The following VIRMA variants were observed in gnomAD, a reference collection of about 807,000 sequenced individuals.
VIRMA encodes protein virilizer homolog.
VIRMA carries 65 observed loss-of-function variants against 182.4 expected under a neutral mutation model. The ratio of observed to expected loss-of-function variants is 0.36; its 90% CI spans 0.29 to 0.44. The LOEUF is 0.44. VIRMA is among the 20% of genes least tolerant of loss of function. VIRMA has a pLI of 1.00. For missense variants in VIRMA, 1,752 were observed against 2,158.1 expected (o/e 0.81, Z 3.73); for synonymous variants, 709 against 743.1 (o/e 0.95, Z 0.75).
intron 17 of VIRMA, 72 bp downstream of exon 17, chr8:94,499,302 A>C: frequency 4.4e-6 from 5 of 1,145,882 alleles, no homozygotes; most frequent in Non-Finnish European, 6.0e-6. Context: ...TACTTGGCCA[A>C]AGATTTCAAA....
rs141083686 is a variant in VIRMA at position 94,529,259 on chromosome 8, C to G, written c.691G>C (p.Glu231Gln). 2.5e-4 allele frequency: 395 copies of G among 1,611,202 alleles called. 1 individual carries two copies. In the African/African-American group the frequency reaches 4.9e-3, roughly 20 times the overall value. ...ISPDRNSVPQ[E>Q]GQYSDEGEVE... ...TCTCCTTCATCAGAATATTGCCCTT[C>G]CTGGGGAACAGAATTCCGATCAGGA... is the stretch of plus-strand genomic sequence containing the variant. The change falls in exon 7 of 24, where the codon GAA becomes CAA. Residue 231 changes from glutamate (E) to glutamine (Q), a missense_variant. Glu to Gln is a conservative substitution (Grantham distance 29). Coordinates refer to ENST00000297591, the MANE Select transcript of VIRMA (RefSeq NM_015496.5).
chr8:94,538,682 G>A (rs984401272), intron 2 of VIRMA, among the ~76,000 whole-genome samples: 2 of 151,838 alleles, frequency 1.3e-5, no homozygotes, highest in African/African-American at 4.8e-5. Flanking sequence ...GCATGATCTC[G>A]GCTCACTGCA....
At chr8:94,515,063 C>A in intron 10 of VIRMA, 112 bp from the exon 11 acceptor site, 1 of 521,652 alleles carries the variant, frequency 1.9e-6, no homozygotes, top group Non-Finnish European at 3.3e-6. Context: ...TTTCAATCAT[C>A]TAAACTTCAT....
chr8:94,532,670 G>A (rs1815209948), intron 5 of VIRMA, among the ~76,000 whole-genome samples: 1 of 152,144 alleles, frequency 6.6e-6, no homozygotes, highest in Admixed American at 6.5e-5. Context: ...TTATCTCAAA[G>A]TAAAAAGTTA....
chr8:94,544,301 C>A (rs961395027), intron 1 of VIRMA, among the ~76,000 whole-genome samples: 1 of 152,034 alleles, frequency 6.6e-6, no homozygotes, highest in African/African-American at 2.4e-5. Flanking sequence ...TTACTTTAGA[C>A]CCCCAGTGGC....
chr8:94,490,013 T>C lies in VIRMA; in HGVS notation c.5210A>G (p.Tyr1737Cys), dbSNP rs1563675255. The C allele has an allele frequency of 5.0e-6, 8 of 1,614,206 alleles. No individual in the cohort carries two copies. Among genetic ancestry groups the C allele is most frequent in the Non-Finnish European group, 5.1e-6 (6 of 1,180,016 alleles). ...WSAQNTPRGN[Y>C]NESRGGQSNF... ...GCTCTGGCCTCCACGACTTTCATTG[T>C]AATTTCCTCGAGGAGTATTCTGAGC... Residue 1737 changes from tyrosine to cysteine, a missense_variant, in exon 23 of 24, where the codon TAC becomes TGC. Coordinates refer to ENST00000297591, the MANE Select transcript of VIRMA (RefSeq NM_015496.5).
intron 8 of VIRMA, 35 bp from the exon 9 acceptor site, chr8:94,519,511 T>G: frequency 6.6e-7 from 1 of 1,509,152 alleles, no homozygotes; most frequent in Non-Finnish European, 8.8e-7. Flanking sequence ...GTCAAGTCAG[T>G]GCAAAGCATT....
Position 94,530,971 on chromosome 8 carries a change from G to A in VIRMA, c.599C>T (p.Pro200Leu). 1.2e-6 allele frequency: 2 copies of A among 1,601,918 alleles called. No homozygotes were observed. Among genetic ancestry groups the A allele is most frequent in the African/African-American group, 1.4e-5 (1 of 73,976 alleles). The change falls in exon 6 of 24, where the codon CCT becomes CTT. Residue 200 changes from proline to leucine, a missense_variant. By Grantham distance (98) the Pro-to-Leu change is moderately conservative (BLOSUM62 -3). Coordinates refer to ENST00000297591, the MANE Select transcript of VIRMA (RefSeq NM_015496.5). The part of the protein sequence containing the change: ...PPDDDEDDPV[P>L]LPVSGDKEED... ...ACTGGTTTTATTTATACCTGGCAGA[G>A]GCACAGGATCATCTTCATCATCATC...
intron 15 of VIRMA, among the ~76,000 whole-genome samples, chr8:94,507,967 G>A (rs751930104): frequency 1.3e-4 from 19 of 141,444 alleles, no homozygotes; most frequent in Non-Finnish European, 1.9e-4. Context: ...ATATACATAT[G>A]TGTATATATG....
In VIRMA at chr8:94,526,342, A is replaced by C; in HGVS notation, c.1902T>G (p.Val634=). 6.2e-7 allele frequency: 1 copy of C among 1,614,130 alleles called. No homozygotes were observed. The highest frequency in any genetic ancestry group is 8.5e-7 in the Non-Finnish European group (1 of 1,179,996). The change falls in exon 8 of 24, where the codon GTT becomes GTG. Residue 634 remains valine (V), a synonymous_variant. Coordinates refer to ENST00000297591, the MANE Select transcript of VIRMA (RefSeq NM_015496.5). ...IERLINLLEE[V]FHLMETAPHT... ...GAGGGGCAGTTTCCATTAAATGAAA[A>C]ACTTCTTCTAGGAGGTTAATAAGCC...
At chr8:94,530,246 G>C (rs913433339) in intron 6 of VIRMA, among the ~76,000 whole-genome samples, 1 of 152,004 alleles carries the variant, frequency 6.6e-6, no homozygotes, top group African/African-American at 2.4e-5. Flanking sequence ...GGCACTGTGG[G>C]TCACACCTGT....
chr8:94,532,145 C>T (rs148030548), intron 5 of VIRMA, among the ~76,000 whole-genome samples: 20 of 152,274 alleles, frequency 1.3e-4, no homozygotes, highest in African/African-American at 4.6e-4. Flanking sequence ...CTTGCTCTTT[C>T]GCCCAGGCTG....
At chr8:94,548,997 TCCTCCCACTTCAG>T (rs1815878190) in intron 1 of VIRMA, among the ~76,000 whole-genome samples, 4 of 152,154 alleles carry the variant, frequency 2.6e-5, no homozygotes, top group African/African-American at 9.7e-5. Context: ...GCTCAAGTGA[TCCTCCCACTTCAG>T]CCTCCCAGGC....
rs200214954 is a variant in VIRMA, at chr8:94,491,825, C to T, written c.4893G>A (p.Gln1631=). 1.7e-5 allele frequency: 27 copies of T among 1,613,748 alleles called. No homozygotes were observed. The highest frequency in any genetic ancestry group is 4.5e-5 in the East Asian group (2 of 44,892). The change falls in exon 22 of 24, where the codon CAG becomes CAA. Residue 1631 remains glutamine (Q), a synonymous_variant. Coordinates refer to ENST00000297591, the MANE Select transcript of VIRMA (RefSeq NM_015496.5). ...GAAAAATATCATGAGGTCGTATACC[C>T]TGTCCAAATCCTCCCCTGCCCCTTC... ...PRGRGRGGFG[Q]GIRPHDIFRQ... is the part of the protein sequence containing the mutation.
chr8:94,505,815 T>C (rs891526796), intron 16 of VIRMA, among the ~76,000 whole-genome samples: 5 of 152,158 alleles, frequency 3.3e-5, no homozygotes, highest in Admixed American at 6.5e-5. Flanking sequence ...CAGATTAATT[T>C]TGTCCCAGCC....
intron 1 of VIRMA, 56 bp downstream of exon 1, chr8:94,553,329 T>C: frequency 6.4e-7 from 1 of 1,565,496 alleles, no homozygotes. Flanking sequence ...CTAACGGTTT[T>C]TTTGTAAAGA....
At chr8:94,534,694 T>C (rs1460642270) in intron 5 of VIRMA, 145 bp downstream of exon 5, 5 of 759,822 alleles carry the variant, frequency 6.6e-6, no homozygotes, top group Non-Finnish European at 8.0e-6. Flanking sequence ...TCTCATCTCC[T>C]CCCTCCCTCT....
intron 6 of VIRMA, among the ~76,000 whole-genome samples, chr8:94,530,507 A>G (rs1028706674): frequency 3.3e-5 from 5 of 151,960 alleles, no homozygotes; most frequent in Non-Finnish European, 5.9e-5. Context: ...AAAAAAAAAA[A>G]AAAGAAAAAA....
At chr8:94,515,098 C>CTTTTTTTTTTTTTTTTTTT (rs796163204) in intron 10 of VIRMA, 147 bp from the exon 11 acceptor site, 1 of 298,374 alleles carries the variant, frequency 3.4e-6, no homozygotes. Flanking sequence ...GCATCTAATT[C>CTTTTTTTTTTTTTTTTTTT]TTTTTTTTTT....
Sources: gnomAD v4.1 joint callset for allele counts (sites outside exome capture counted in the v4.1 genomes callset) on GRCh38, gnomAD v4.1.1 for gene constraint, MANE v1.5 for transcripts, NCBI Gene and HGNC (gene_info 2026-07-23, HGNC 2026-07-21) for gene names.